RTF2: variants seen among roughly 807,000 people sequenced by gnomAD.
RTF2 encodes replication termination factor 2, also known as UPF0549 protein C20orf43.
A neutral mutation model predicts 38.0 loss-of-function variants in RTF2; 18 were observed. That is an observed-to-expected ratio of 0.47 (90% CI 0.33 to 0.70). RTF2 has a LOEUF of 0.70. RTF2 is among the 30% of genes least tolerant of loss of function. RTF2 has a pLI of 0.02. For synonymous variants in RTF2, 126 were observed against 137.1 expected (o/e 0.92, Z 0.57); for missense variants, 311 against 379.6 (o/e 0.82, Z 1.50).
At chr20:56,503,213 T>C (rs576729838) in intron 5 of RTF2, among the ~76,000 whole-genome samples, 2 of 152,364 alleles carry the variant, frequency 1.3e-5, no homozygotes, top group South Asian at 2.1e-4. Context: ...CACAATGTTT[T>C]CTTGAGTTAC....
intron 6 of RTF2, among the ~76,000 whole-genome samples, chr20:56,514,916 G>T (rs778840704): frequency 1.3e-5 from 2 of 151,994 alleles, no homozygotes; most frequent in African/African-American, 2.4e-5. Flanking sequence ...GCGTGGTGGC[G>T]TGTGCCTGTA....
chr20:56,495,065 T>C (rs772535799), intron 5 of RTF2: 1 of 647,368 alleles, frequency 1.5e-6, no homozygotes, highest in Non-Finnish European at 2.7e-6. Context: ...TGACTCAACC[T>C]ATACTAATTG....
At chr20:56,504,937 C>T (rs918330564) in intron 5 of RTF2, among the ~76,000 whole-genome samples, 2 of 152,190 alleles carry the variant, frequency 1.3e-5, no homozygotes, top group African/African-American at 4.8e-5. Flanking sequence ...TGCCAAAGCA[C>T]AGAGTATTAG....
chr20:56,480,283 C>T (rs1372583327), intron 4 of RTF2, among the ~76,000 whole-genome samples: 1 of 152,202 alleles, frequency 6.6e-6, no homozygotes, highest in East Asian at 1.9e-4. Flanking sequence ...TTCCCTAAAC[C>T]TCATGAACCA....
chr20:56,485,606 G>A (rs1469453772), intron 5 of RTF2, among the ~76,000 whole-genome samples: 2 of 152,124 alleles, frequency 1.3e-5, no homozygotes. Flanking sequence ...CAGTGGGGGC[G>A]GTGAGTTATG....
chr20:56,474,835 AT>A, intron 3 of RTF2, 64 bp downstream of exon 3: 1 of 1,056,552 alleles, frequency 9.5e-7, no homozygotes. Flanking sequence ...ATTTTATAGA[AT>A]TTATACGCCT....
chr20:56,472,299 A>G, intron 1 of RTF2: 1 of 1,240,044 alleles, frequency 8.1e-7, no homozygotes, highest in African/African-American at 1.5e-5. Context: ...TTTTCTTCCA[A>G]ATGTGCTGTC....
At chr20:56,507,745 G>A (rs916381819) in intron 5 of RTF2, among the ~76,000 whole-genome samples, 5 of 152,158 alleles carry the variant, frequency 3.3e-5, no homozygotes, top group African/African-American at 9.7e-5. Context: ...GGGAGCAGAC[G>A]CTGGGTTCCT....
chr20:56,477,815 A>G (rs932516097), intron 4 of RTF2, among the ~76,000 whole-genome samples: 2 of 152,222 alleles, frequency 1.3e-5, no homozygotes, highest in African/African-American at 2.4e-5. Flanking sequence ...ACAAATGCCA[A>G]AAGTTATGCA....
intron 4 of RTF2, among the ~76,000 whole-genome samples, chr20:56,477,406 C>T (rs1038739212): frequency 1.2e-4 from 18 of 152,178 alleles, no homozygotes; most frequent in African/African-American, 4.1e-4. Flanking sequence ...TCTCATGTGA[C>T]GCTTATGAAA....
At chr20:56,517,961 C>A in intron 8 of RTF2, 126 bp from the exon 9 acceptor site, 1 of 881,058 alleles carries the variant, frequency 1.1e-6, no homozygotes, top group East Asian at 2.5e-5. Context: ...TGACGTCCGC[C>A]AGCACTCACA....
rs1376728058 is a variant in RTF2 at position 56,513,388 on chromosome 20, C to CA, written c.553dup (p.Arg185LysfsTer31). ...AAGGAGGATGTGGACGTGCTGAAGA[C>CA]AAGGATGGAGGAGAGAAGGCTGAGA... On this transcript the variant is annotated frameshift_variant, in exon 6 of 9. Coordinates refer to ENST00000357348, the MANE Select transcript of RTF2 (RefSeq NM_016407.5). LOFTEE classifies it high-confidence loss of function. 8.1e-6 allele frequency: 13 copies of CA among 1,607,800 alleles called. No individual in the cohort carries two copies. In the Admixed American group the frequency reaches 1.0e-4, roughly 13 times the overall value.
At chr20:56,491,157 A>G (rs143039308) in intron 5 of RTF2, among the ~76,000 whole-genome samples, 68 of 152,342 alleles carry the variant, frequency 4.5e-4, no homozygotes, top group Non-Finnish European at 7.2e-4. Flanking sequence ...TCAGATAAGC[A>G]TATTTTCATT....
intron 5 of RTF2, among the ~76,000 whole-genome samples, chr20:56,490,393 C>T (rs1478654035): frequency 2.0e-5 from 3 of 152,184 alleles, no homozygotes; most frequent in Non-Finnish European, 2.9e-5. Flanking sequence ...ACAACAGCAG[C>T]GGCAGCAGCA....
At chr20:56,490,422 G>T (rs959611498) in intron 5 of RTF2, among the ~76,000 whole-genome samples, 1 of 152,236 alleles carries the variant, frequency 6.6e-6, no homozygotes, top group East Asian at 1.9e-4. Flanking sequence ...GACTTTCTAA[G>T]GGAGGAGACC....
chr20:56,502,381 A>G (rs1199559863), intron 5 of RTF2, among the ~76,000 whole-genome samples: 6 of 152,156 alleles, frequency 3.9e-5, no homozygotes, highest in East Asian at 1.9e-4. Context: ...TAATTCTTCT[A>G]CAGTCTTCCT....
chr20:56,497,009 A>G (rs1309614073), intron 5 of RTF2: 1 of 1,551,892 alleles, frequency 6.4e-7, no homozygotes, highest in East Asian at 2.4e-5. Flanking sequence ...GATTGATGAC[A>G]TAGTTCCATT....
At chr20:56,479,136 A>T (rs1212919744) in intron 4 of RTF2, among the ~76,000 whole-genome samples, 1 of 152,210 alleles carries the variant, frequency 6.6e-6, no homozygotes, top group African/African-American at 2.4e-5. Context: ...CAAGTCGTCC[A>T]TGAGGGGTGG....
intron 5 of RTF2, chr20:56,497,304 AG>A (rs2146346951): frequency 1.9e-6 from 3 of 1,550,734 alleles, no homozygotes; most frequent in East Asian, 4.9e-5. Flanking sequence ...TTCTGCAGAC[AG>A]GGGTCTGGTT....
Sources: gnomAD v4.1 joint callset for allele counts (sites outside exome capture counted in the v4.1 genomes callset) on GRCh38, gnomAD v4.1.1 for gene constraint, MANE v1.5 for transcripts, NCBI Gene and HGNC (gene_info 2026-07-23, HGNC 2026-07-21) for gene names.